The following DDX17 variants were observed in gnomAD, a reference collection of about 807,000 sequenced individuals.
DDX17 encodes the protein DEAD-box helicase 17.
DDX17 carries 10 observed loss-of-function variants against 80.8 expected under a neutral mutation model. That is an observed-to-expected ratio of 0.12 (90% CI 0.08 to 0.21). The LOEUF is 0.21. Among genes scored for constraint, DDX17 ranks in the 10% least tolerant of loss-of-function variants. The pLI is 1.00. For missense variants in DDX17, 586 were observed against 957.4 expected (o/e 0.61, Z 5.12); for synonymous variants, 339 against 336.2 (o/e 1.01, Z -0.09).
At position 38,488,113 on chromosome 22, in the gene DDX17, C is replaced by T; in HGVS notation, c.1450G>A (p.Val484Met). The T allele has an allele frequency of 6.2e-7, 1 of 1,614,172 alleles. No individual in the cohort carries two copies. The highest frequency in any genetic ancestry group is 8.5e-7 in the Non-Finnish European group (1 of 1,180,040). ...TTGATCACAAACTTGACATCTTCCA[C>T]ATCTTCCACGTCAATGATGAGTCAG... Residue 484 changes from valine (V) to methionine (M), a missense_variant and splice_region_variant, in exon 12 of 13, where the codon GTG becomes ATG. Val to Met is a conservative substitution (Grantham distance 21). Around this residue, in one of 4 missense-constraint regions of DDX17, gnomAD observed 9 missense variants for 78.3 expected, o/e 0.11. Transcript: ENST00000403230.
rs572806877 is a variant in DDX17, at chr22:38,487,868, C to G, written c.1684+11G>C. The G allele has an allele frequency of 6.2e-7, 1 of 1,614,010 alleles. No homozygotes were observed. The highest frequency in any genetic ancestry group is 2.2e-5 in the East Asian group (1 of 44,886). ...TGGCAGTACCTGGAAAACTCCAGGA[C>G]TTACCCTTACCCCCGCCTCCGCCGC... On this transcript the variant is annotated intron_variant, in intron 12 of 12. Coordinates refer to ENST00000403230, the MANE Select transcript of DDX17 (RefSeq NM_006386.5).
chr22:38,495,438 G>A (rs544963930), intron 6 of DDX17, among the ~76,000 whole-genome samples: 1 of 152,018 alleles, frequency 6.6e-6, no homozygotes, highest in South Asian at 2.1e-4. Flanking sequence ...GTAGAGACGG[G>A]GTTTCACCAT....
In DDX17 at chr22:38,494,636, T is replaced by C; in HGVS notation, c.1208A>G (p.Asp403Gly). 1 of 1,613,834 alleles carries C rather than the reference T, an allele frequency of 6.2e-7. No homozygotes were observed. Among genetic ancestry groups the C allele is most frequent in the Non-Finnish European group, 8.5e-7 (1 of 1,179,876 alleles). ...AGTAAAATATCTTTCATACTTGTGG[T>C]CTTTTTCACTTTCCATGCAGACATC... is the stretch of plus-strand genomic sequence containing the variant. Residue 403 changes from aspartate to glycine, a missense_variant, in exon 8 of 13, where the codon GAC (aspartate) becomes GGC (glycine). This residue lies in a region of DDX17 where 141 missense variants were observed against 379.3 expected (regional missense o/e 0.37). Transcript: ENST00000403230.
rs946207027 is a variant in DDX17 at position 38,483,687 on chromosome 22, T to C, written c.*2248A>G. 2.0e-5 allele frequency: 3 copies of C among 152,470 alleles called. No homozygotes were observed. The highest frequency in any genetic ancestry group is 7.2e-5 in the African/African-American group (3 of 41,436). The allele number at this position is 152,470 out of a possible 1,614,324, so 9.4% of individuals were successfully genotyped here. A position where few individuals can be genotyped will look rare whatever the true frequency, so the allele number is the denominator to read the frequency against. ...TAGATGAGAAGTCCACACAACGAAT[T>C]GTTAGGGAGGATTGGGGAGAAGCAG... On this transcript the variant is annotated 3_prime_UTR_variant, in exon 13 of 13. Transcript: ENST00000403230.
Position 38,489,120 on chromosome 22 carries a change from G to A in DDX17, c.1448-1005C>T. 1 of 984,396 alleles carries A rather than the reference G, an allele frequency of 1.0e-6. No individual in the cohort carries two copies. The highest frequency in any genetic ancestry group is 1.2e-6 in the Non-Finnish European group (1 of 829,118). 61.0% of individuals were successfully genotyped at this position (984,396 alleles called of 1,614,324 possible). A position where few individuals can be genotyped will look rare whatever the true frequency, so the allele number is the denominator to read the frequency against. On this transcript the variant is annotated intron_variant, in intron 11 of 12. Coordinates refer to ENST00000403230, the MANE Select transcript of DDX17 (RefSeq NM_006386.5). The surrounding 1 kb of genome is among the most constrained non-coding windows in gnomAD (Gnocchi z 4.6). ...ATATAACAAAGAATCCTACTGTTTT[G>A]TGGAAAAAAATCTGCATTTTACAAA... is the stretch of plus-strand genomic sequence containing the variant.
intron 11 of DDX17, 33 bp downstream of exon 11, chr22:38,492,023 A>T: frequency 1.3e-6 from 2 of 1,507,204 alleles, no homozygotes; most frequent in Non-Finnish European, 1.8e-6. Context: ...AAAGATACAT[A>T]TACCATTGAC....
rs2089627819 is a variant in DDX17 at position 38,483,941 on chromosome 22, T to C, written c.*1994A>G. 6.6e-6 allele frequency: 1 copy of C among 152,238 alleles called. No homozygotes were observed. The highest frequency in any genetic ancestry group is 2.1e-4 in the South Asian group (1 of 4,832). 9.4% of individuals were successfully genotyped at this position (152,238 alleles called of 1,614,324 possible). A position where few individuals can be genotyped will look rare whatever the true frequency, so the allele number is the denominator to read the frequency against. The stretch of plus-strand genomic sequence containing the variant: ...TTACTGTTATTTTATGATTACAATG[T>C]CCCAGGTGGAAAAAGGGAAGCAAGC... On this transcript the variant is annotated 3_prime_UTR_variant, in exon 13 of 13. Transcript: ENST00000403230.
intron 5 of DDX17, 84 bp from the exon 6 acceptor site, chr22:38,496,021 C>T (rs1025853117): frequency 7.9e-7 from 1 of 1,258,544 alleles, no homozygotes; most frequent in Non-Finnish European, 1.0e-6. Flanking sequence ...ATACAAAAAG[C>T]TAATTTAATT....
At chr22:38,505,457 C>T (rs967730545) in intron 1 of DDX17, 2 of 156,000 alleles carry the variant, frequency 1.3e-5, no homozygotes, top group Non-Finnish European at 2.8e-5. Flanking sequence ...TTTCGTCTCC[C>T]GTGCCTTAAA....
In DDX17 at chr22:38,498,154, T is replaced by C; in HGVS notation, c.673-4A>G. 1 of 1,613,782 alleles carries C rather than the reference T, an allele frequency of 6.2e-7. No individual in the cohort carries two copies. On this transcript the variant is annotated splice_region_variant and splice_polypyrimidine_tract_variant and intron_variant, in intron 4 of 12. Coordinates refer to ENST00000403230, the MANE Select transcript of DDX17 (RefSeq NM_006386.5). ...GAACAATTGCAGGCAGGAGATACTGTGGAGGGGGGAAAGAATGACAACCTT... is the reference window on the plus strand; with the variant it reads ...GAACAATTGCAGGCAGGAGATACTGCGGAGGGGGGAAAGAATGACAACCTT...
chr22:38,501,352 C>A (rs1453781426), intron 1 of DDX17, 72 bp from the exon 2 acceptor site: 7 of 1,505,418 alleles, frequency 4.6e-6, no homozygotes, highest in African/African-American at 2.8e-5. Flanking sequence ...TAAGAATATT[C>A]AAAAAGGATG....
intron 5 of DDX17, among the ~76,000 whole-genome samples, chr22:38,496,820 C>CAT (rs1413783359): frequency 6.6e-6 from 1 of 152,142 alleles, no homozygotes; most frequent in Non-Finnish European, 1.5e-5. Flanking sequence ...ATCAAGGTAT[C>CAT]ATATACCATT....
rs201161154 is a variant in DDX17, at chr22:38,506,212, A to G, written c.26T>C (p.Ile9Thr). Residue 9 changes from isoleucine (I) to threonine (T), a missense_variant, in exon 1 of 13, where the codon ATT (isoleucine) becomes ACT (threonine). Coordinates refer to ENST00000403230, the MANE Select transcript of DDX17 (RefSeq NM_006386.5). ...CGGAGACGGGAGCAAAACACAGAGA[A>G]TCGGGGCTACAAAGCCGGTGGGCAG... is the stretch of plus-strand genomic sequence containing the variant. The G allele has an allele frequency of 6.2e-7, 1 of 1,607,300 alleles. No homozygotes were observed. Among genetic ancestry groups the G allele is most frequent in the East Asian group, 2.2e-5 (1 of 44,446 alleles).
Position 38,484,449 on chromosome 22 carries a change from A to C in DDX17, c.*1486T>G, listed in dbSNP as rs1334269629. ...AAGGAAAACAAAACCTCGAGTATAG[A>C]TCTTACAGATGAGCAAGCATTCAGG... On this transcript the variant is annotated 3_prime_UTR_variant, in exon 13 of 13. Coordinates refer to ENST00000403230, the MANE Select transcript of DDX17 (RefSeq NM_006386.5). 6.6e-6 allele frequency: 1 copy of C among 152,226 alleles called. No individual in the cohort carries two copies. The highest frequency in any genetic ancestry group is 1.5e-5 in the Non-Finnish European group (1 of 68,040). 9.4% of individuals were successfully genotyped at this position (152,226 alleles called of 1,614,324 possible).
chr22:38,506,011 G>C lies in DDX17; in HGVS notation c.227C>G (p.Pro76Arg). 6.3e-7 allele frequency: 1 copy of C among 1,593,020 alleles called. No individual in the cohort carries two copies. The highest frequency in any genetic ancestry group is 8.5e-7 in the Non-Finnish European group (1 of 1,170,346). ...GCCTCCTCCGCGCATGGTCCCAAAA[G>C]GATAGAGATCTGGGAGCGGGGCACG... Residue 76 changes from proline (P) to arginine (R), a missense_variant, in exon 1 of 13, where the codon CCT becomes CGT. Physicochemically the swap from Pro to Arg is moderately radical, Grantham distance 103. Transcript: ENST00000403230.
At chr22:38,499,634 T>C (rs771932278) in intron 2 of DDX17, 135 bp from the exon 3 acceptor site, 30 of 675,198 alleles carry the variant, frequency 4.4e-5, no homozygotes, top group Admixed American at 7.5e-5. Context: ...GGTACTTTCA[T>C]GTGTATCACT....
intron 2 of DDX17, 124 bp from the exon 3 acceptor site, chr22:38,499,623 T>C: frequency 4.1e-6 from 3 of 735,692 alleles, no homozygotes; most frequent in Non-Finnish European, 4.7e-6. Flanking sequence ...ATAGTTTACA[T>C]GGTACTTTCA....
intron 1 of DDX17, among the ~76,000 whole-genome samples, chr22:38,502,050 T>G (rs1276770003): frequency 6.6e-6 from 1 of 152,248 alleles, no homozygotes; most frequent in African/African-American, 2.4e-5. Flanking sequence ...TCTGCTTATC[T>G]GCAAAGCAAA....
chr22:38,506,220 T>A lies in DDX17; in HGVS notation c.18A>T (p.Val6=). ...GGAGCAAAACACAGAGAATCGGGGCTACAAAGCCGGTGGGCAGGTTTGGCT... is the reference window on the plus strand; with the variant it reads ...GGAGCAAAACACAGAGAATCGGGGCAACAAAGCCGGTGGGCAGGTTTGGCT... Residue 6 remains valine, a synonymous_variant, in exon 1 of 13, where the codon GTA becomes GTT. Coordinates refer to ENST00000403230, the MANE Select transcript of DDX17 (RefSeq NM_006386.5). 1 of 1,606,060 alleles carries A rather than the reference T, an allele frequency of 6.2e-7. No individual in the cohort carries two copies. The highest frequency in any genetic ancestry group is 1.1e-5 in the South Asian group (1 of 90,054).
Sources: gnomAD v4.1 joint callset for allele counts (sites outside exome capture counted in the v4.1 genomes callset) on GRCh38, gnomAD v4.1.1 for gene constraint, gnomAD v4.1.1 regional missense constraint, Gnocchi (gnomAD v3.1) non-coding constraint, MANE v1.5 for transcripts, NCBI Gene and HGNC (gene_info 2026-07-23, HGNC 2026-07-21) for gene names.